The following SH3RF1 variants were observed in gnomAD, a reference collection of about 807,000 sequenced individuals.
The protein encoded by SH3RF1 is E3 ubiquitin-protein ligase SH3RF1.
SH3RF1 carries 32 observed loss-of-function variants against 74.0 expected under a neutral mutation model. That is an observed-to-expected ratio of 0.43 (90% confidence interval 0.33 to 0.58). The LOEUF is 0.58. Ranked by LOEUF, SH3RF1 falls within the 20% of genes least tolerant of loss-of-function variation. The pLI, the probability that SH3RF1 is intolerant of heterozygous loss-of-function variation, is 0.05. For synonymous variants in SH3RF1, 396 were observed against 439.6 expected (o/e 0.90, Z 1.24); for missense variants, 954 against 1,130.9 (o/e 0.84, Z 2.24).
chr4:169,117,540 C>A lies in SH3RF1; in HGVS notation c.1760G>T (p.Arg587Leu), dbSNP rs187199623. The change falls in exon 9 of 12, where the codon CGC (arginine) becomes CTC (leucine). Residue 587 changes from arginine to leucine, a missense_variant. Physicochemically the swap from Arg to Leu is moderately radical, Grantham distance 102. This residue lies in a region of SH3RF1 where 854 missense variants were observed against 962.5 expected (regional missense o/e 0.89). Transcript: ENST00000284637. Reference sequence around the variant, plus strand: ...CTCCTTACCTGTCCTCACAGCATTGCGGGCCTGGTTGACTGTCATTTGCCC... The same window carrying A: ...CTCCTTACCTGTCCTCACAGCATTGAGGGCCTGGTTGACTGTCATTTGCCC... Reference protein sequence around the residue: ...MTGQMTVNQARNAVRTVAAHN... With the variant: ...MTGQMTVNQALNAVRTVAAHN... 1.7e-5 allele frequency: 27 copies of A among 1,614,210 alleles called. No individual in the cohort carries two copies. Among genetic ancestry groups the A allele is most frequent in the Non-Finnish European group, 2.1e-5 (25 of 1,180,036 alleles).
At chr4:169,246,655 A>C (rs1217721411) in intron 2 of SH3RF1, among the ~76,000 whole-genome samples, 3 of 152,272 alleles carry the variant, frequency 2.0e-5, no homozygotes, top group Admixed American at 6.5e-5. Context: ...ACTGATTTTA[A>C]AAGACCTGTT....
chr4:169,263,128 T>C (rs1476403801), intron 2 of SH3RF1, among the ~76,000 whole-genome samples: 2 of 152,164 alleles, frequency 1.3e-5, no homozygotes, highest in Non-Finnish European at 2.9e-5. Flanking sequence ...CCCATCCCCA[T>C]CTGTGCGAAG....
At chr4:169,126,348 C>G (rs1733524392) in intron 6 of SH3RF1, among the ~76,000 whole-genome samples, 1 of 152,164 alleles carries the variant, frequency 6.6e-6, no homozygotes. Flanking sequence ...AAAGTTCTGA[C>G]CATATCCTAC....
At chr4:169,246,533 G>T (rs1730996835) in intron 2 of SH3RF1, among the ~76,000 whole-genome samples, 1 of 152,212 alleles carries the variant, frequency 6.6e-6, no homozygotes, top group South Asian at 2.1e-4. Context: ...GAAAAAGATA[G>T]GCAGGCCTGA....
At chr4:169,139,678 A>G (rs539364191) in intron 4 of SH3RF1, among the ~76,000 whole-genome samples, 17 of 152,304 alleles carry the variant, frequency 1.1e-4, no homozygotes, top group African/African-American at 4.1e-4. Flanking sequence ...CTGCTGGACC[A>G]TAGGGTTGGA....
At position 169,143,850 on chromosome 4, in the gene SH3RF1, G is replaced by C. The variant is rs532709835; in HGVS notation, c.766-7230C>G. On this transcript the variant is annotated intron_variant, in intron 4 of 11. Coordinates refer to ENST00000284637, the MANE Select transcript of SH3RF1 (RefSeq NM_020870.4). ...TAGCTGTTAAAAACAAAATAAACTA[G>C]AATTTTCTTGTTCAGGTTTCTGACT... Among the ~76,000 whole-genome samples, 5 of 152,244 alleles carry C rather than the reference G, an allele frequency of 3.3e-5. No homozygotes were observed. In the South Asian group the frequency reaches 1.0e-3, roughly 32 times the overall value.
chr4:169,186,610 T>C (rs903199641), intron 2 of SH3RF1, among the ~76,000 whole-genome samples: 6 of 151,330 alleles, frequency 4.0e-5, no homozygotes, highest in African/African-American at 1.5e-4. Context: ...ACATTTTGAC[T>C]ATTAAAAGTC....
intron 4 of SH3RF1, among the ~76,000 whole-genome samples, chr4:169,153,510 T>C (rs977118452): frequency 2.0e-5 from 3 of 152,170 alleles, no homozygotes; most frequent in African/African-American, 7.2e-5. Context: ...AAAGCCCCAG[T>C]TTTTATTCCT....
At chr4:169,137,332 A>G (rs1004002508) in intron 4 of SH3RF1, among the ~76,000 whole-genome samples, 9 of 152,206 alleles carry the variant, frequency 5.9e-5, no homozygotes, top group African/African-American at 1.9e-4. Context: ...CCCAGTGTAA[A>G]TTAAGAGTAC....
At chr4:169,166,659 A>C (rs1435092087) in intron 2 of SH3RF1, 3 of 204,704 alleles carry the variant, frequency 1.5e-5, no homozygotes, top group African/African-American at 7.0e-5. Flanking sequence ...CCACAGCAAA[A>C]ACCTTCAGTC....
chr4:169,178,273 T>A lies in SH3RF1; in HGVS notation c.394-21594A>T, dbSNP rs1020064393. ...TAAACAAATAAACAAAAAAAAAAAATTTTTTTTTAAATAAGCAACTATGCT... is the reference window on the plus strand; with the variant it reads ...TAAACAAATAAACAAAAAAAAAAAAATTTTTTTTAAATAAGCAACTATGCT... On this transcript the variant is annotated intron_variant, in intron 2 of 11. Transcript: ENST00000284637. Among the ~76,000 whole-genome samples the A allele has an allele frequency of 1.9e-3, 271 of 142,912 alleles. 2 individuals carry two copies. The highest frequency in any genetic ancestry group is 3.6e-3 in the African/African-American group (144 of 39,662). 93.8% of individuals were successfully genotyped at this position (142,912 alleles called of 152,430 possible). A position where few individuals can be genotyped will look rare whatever the true frequency, so the allele number is the denominator to read the frequency against.
chr4:169,149,911 C>T (rs2126961585), intron 4 of SH3RF1, among the ~76,000 whole-genome samples: 1 of 152,294 alleles, frequency 6.6e-6, no homozygotes. Context: ...TTCTTAGCTC[C>T]TCCAGGGGTC....
chr4:169,218,287 AT>A (rs1312769576), intron 2 of SH3RF1, among the ~76,000 whole-genome samples: 1 of 131,646 alleles, frequency 7.6e-6, no homozygotes, highest in East Asian at 2.2e-4. Flanking sequence ...TATATAATAT[AT>A]AATATATAAT....
At chr4:169,142,825 T>C (rs150651785) in intron 4 of SH3RF1, among the ~76,000 whole-genome samples, 4 of 152,354 alleles carry the variant, frequency 2.6e-5, no homozygotes, top group African/African-American at 9.6e-5. Context: ...CCTCACATTA[T>C]AGTCCTTTGC....
In SH3RF1 at chr4:169,122,220, ACAGTGGCAG is replaced by A. The variant is rs1733451791; in HGVS notation, c.1217_1225del (p.Ala406_Thr408del). 6.2e-7 allele frequency: 1 copy of A among 1,612,636 alleles called. No individual in the cohort carries two copies. The highest frequency in any genetic ancestry group is 8.5e-7 in the Non-Finnish European group (1 of 1,179,330). On this transcript the variant is annotated inframe_deletion, in exon 7 of 12. Coordinates refer to ENST00000284637, the MANE Select transcript of SH3RF1 (RefSeq NM_020870.4). ...GGCGCCTGGTGGTGTGGAGGCAAGGACAGTGGCAGCCAGGAGAGGGGGTGGTGGAAGAGG... is the reference window on the plus strand; with the variant it reads ...GGCGCCTGGTGGTGTGGAGGCAAGGACCAGGAGAGGGGGTGGTGGAAGAGG...
chr4:169,223,050 T>C (rs1730594245), intron 2 of SH3RF1, among the ~76,000 whole-genome samples: 1 of 152,296 alleles, frequency 6.6e-6, no homozygotes, highest in Non-Finnish European at 1.5e-5. Flanking sequence ...TCCAACTTCC[T>C]CTGCCTTCCC....
At chr4:169,122,392 CA>C in intron 6 of SH3RF1, 126 bp from the exon 7 acceptor site, 1 of 1,075,700 alleles carries the variant, frequency 9.3e-7, no homozygotes, top group Admixed American at 2.7e-5. Context: ...ATGGAATCCA[CA>C]CAGGGCAGAA....
At chr4:169,105,402 AT>A (rs1733116555) in intron 11 of SH3RF1, among the ~76,000 whole-genome samples, 1 of 152,192 alleles carries the variant, frequency 6.6e-6, no homozygotes, top group Non-Finnish European at 1.5e-5. Flanking sequence ...TAAATAATAT[AT>A]TTTCTTTCCT....
intron 10 of SH3RF1, 110 bp downstream of exon 10, chr4:169,116,159 G>A (rs1733327778): frequency 2.0e-6 from 3 of 1,481,470 alleles, no homozygotes; most frequent in Non-Finnish European, 2.7e-6. Flanking sequence ...AGCACCTGAG[G>A]GTTTGTTGAA....
Sources: gnomAD v4.1 joint callset for allele counts (sites outside exome capture counted in the v4.1 genomes callset) on GRCh38, gnomAD v4.1.1 for gene constraint, gnomAD v4.1.1 regional missense constraint, MANE v1.5 for transcripts, NCBI Gene and HGNC (gene_info 2026-07-23, HGNC 2026-07-21) for gene names.